Variants in SMO observed in about 807,000 individuals in gnomAD.
The protein encoded by SMO is smoothened, frizzled class receptor, also known as protein smoothened.
Under a neutral mutation model 81.6 loss-of-function variants are expected in SMO, and 40 were observed. The ratio of observed to expected loss-of-function variants is 0.49; its 90% confidence interval spans 0.38 to 0.64. The LOEUF is 0.64. Ranked by LOEUF, SMO falls within the 30% of genes least tolerant of loss-of-function variation. The probability of loss-of-function intolerance (pLI) is 0.00; values close to 1 mark genes in which losing one functional copy is unlikely to be tolerated. For synonymous variants in SMO, 434 were observed against 432.1 expected (o/e 1.00, Z -0.05); for missense variants, 916 against 1,061.1 (o/e 0.86, Z 1.90).
At chr7:129,205,478 A>G (rs1793748915) in intron 3 of SMO, 66 bp downstream of exon 3, 2 of 1,555,086 alleles carry the variant, frequency 1.3e-6, no homozygotes, top group Admixed American at 3.4e-5. Context: ...GCCAGAGGGA[A>G]GGGGGGCAAA....
intron 1 of SMO, among the ~76,000 whole-genome samples, chr7:129,192,362 G>T (rs1275801065): frequency 6.6e-6 from 1 of 152,138 alleles, no homozygotes; most frequent in Non-Finnish European, 1.5e-5. Context: ...AAGACCTAAA[G>T]AATTAGAAAA....
At chr7:129,209,035 G>A (rs545538270) in intron 7 of SMO, 184 bp downstream of exon 7, 1 of 619,362 alleles carries the variant, frequency 1.6e-6, no homozygotes, top group Non-Finnish European at 2.9e-6. Context: ...CTACTCGGGG[G>A]GAAGAATTCA....
At chr7:129,201,671 GT>G (rs1329913801) in intron 1 of SMO, among the ~76,000 whole-genome samples, 1 of 151,798 alleles carries the variant, frequency 6.6e-6, no homozygotes, top group East Asian at 1.9e-4. Flanking sequence ...CTGTTTTTGG[GT>G]TTTTTGTTTT....
intron 1 of SMO, among the ~76,000 whole-genome samples, chr7:129,196,388 C>A (rs968267755): frequency 6.7e-6 from 1 of 149,894 alleles, no homozygotes; most frequent in Non-Finnish European, 1.5e-5. Context: ...CCCTATTGTC[C>A]CGGCTGGTCT....
chr7:129,210,054 C>T lies in SMO; in HGVS notation c.1467-309C>T. The T allele has an allele frequency of 4.0e-6, 1 of 253,140 alleles. No individual in the cohort carries two copies. Among genetic ancestry groups the T allele is most frequent in the African/African-American group, 2.2e-5 (1 of 45,950 alleles). 15.7% of individuals were successfully genotyped at this position (253,140 alleles called of 1,614,324 possible). A position where few individuals can be genotyped will look rare whatever the true frequency, so the allele number is the denominator to read the frequency against. ...TAGGGTGGGTCCCAGGCATCAGTAGCTATTAAAAGCTCCCCAGTTGATTCT... is the reference window on the plus strand; with the variant it reads ...TAGGGTGGGTCCCAGGCATCAGTAGTTATTAAAAGCTCCCCAGTTGATTCT... On this transcript the variant is annotated intron_variant, in intron 8 of 11. Transcript: ENST00000249373. This position sits in a 1 kb window ranked among gnomAD's most constrained non-coding sequence, Gnocchi z 4.7.
At chr7:129,203,947 G>A (rs1273493686) in intron 2 of SMO, among the ~76,000 whole-genome samples, 1 of 151,966 alleles carries the variant, frequency 6.6e-6, no homozygotes, top group Non-Finnish European at 1.5e-5. Context: ...CAAGACAGGG[G>A]ACGTGAGCTA....
chr7:129,204,668 A>G (rs1383599984), intron 2 of SMO, among the ~76,000 whole-genome samples: 1 of 151,338 alleles, frequency 6.6e-6, no homozygotes, highest in Non-Finnish European at 1.5e-5. Context: ...TATATAATAT[A>G]TGTTTATTCA....
In SMO at chr7:129,205,769, C is replaced by T. The variant is rs748021309; in HGVS notation, c.907C>T (p.Leu303Phe). The T allele has an allele frequency of 2.5e-6, 4 of 1,606,278 alleles. No individual in the cohort carries two copies. The highest frequency in any genetic ancestry group is 4.5e-5 in the East Asian group (2 of 44,842). The part of the protein sequence containing the change: ...IVCRADGTMR[L>F]GEPTSNETLS... ...CTGCCGTGCAGATGGCACCATGAGG[C>T]TTGGGGAGCCCACGTAGGTGTCTTG... Residue 303 changes from leucine (L) to phenylalanine (F), a missense_variant, in exon 4 of 12, where the codon CTT (leucine) becomes TTT (phenylalanine). Leu to Phe is a conservative substitution (Grantham distance 22, BLOSUM62 0). This residue lies in a region of SMO where 436 missense variants were observed against 570.9 expected (regional missense o/e 0.76). Coordinates refer to ENST00000249373, the MANE Select transcript of SMO (RefSeq NM_005631.5).
At position 129,211,524 on chromosome 7, in the gene SMO, G is replaced by T; in HGVS notation, c.1802-112G>T. The T allele has an allele frequency of 8.3e-7, 1 of 1,204,324 alleles. No individual in the cohort carries two copies. The highest frequency in any genetic ancestry group is 1.2e-5 in the South Asian group (1 of 81,158). 74.6% of individuals were successfully genotyped at this position (1,204,324 alleles called of 1,614,324 possible). On this transcript the variant is annotated intron_variant, in intron 10 of 11. Coordinates refer to ENST00000249373, the MANE Select transcript of SMO (RefSeq NM_005631.5). The surrounding 1 kb of genome is among the most constrained non-coding windows in gnomAD (Gnocchi z 4.6). ...CGTGGTTACAGGGTGAGCTTTCTCT[G>T]GTGAGCAGGAGGGACTGGCTGTGGG...
intron 1 of SMO, among the ~76,000 whole-genome samples, chr7:129,197,923 A>C (rs1297724318): frequency 6.6e-6 from 1 of 152,168 alleles, no homozygotes; most frequent in African/African-American, 2.4e-5. Context: ...GCGCGGTAAC[A>C]CCCGTATTCC....
At chr7:129,195,750 T>A (rs940245838) in intron 1 of SMO, among the ~76,000 whole-genome samples, 4 of 152,146 alleles carry the variant, frequency 2.6e-5, no homozygotes, top group African/African-American at 9.7e-5. Context: ...TATTTCAAGA[T>A]ATCTGCAACA....
intron 1 of SMO, among the ~76,000 whole-genome samples, chr7:129,191,992 G>C (rs950624944): frequency 1.3e-5 from 2 of 152,162 alleles, no homozygotes; most frequent in Non-Finnish European, 2.9e-5. Flanking sequence ...GGCCGAGGCG[G>C]GAAGATTGCT....
At chr7:129,197,208 T>C (rs561292079) in intron 1 of SMO, among the ~76,000 whole-genome samples, 1 of 152,254 alleles carries the variant, frequency 6.6e-6, no homozygotes, top group African/African-American at 2.4e-5. Context: ...TATTTATCCT[T>C]ATTGCTTTAC....
At position 129,189,007 on chromosome 7, in the gene SMO, CGTCCGGGGGGGCCCGG is replaced by C; in HGVS notation, c.-143_-128del. On this transcript the variant is annotated 5_prime_UTR_variant, in exon 1 of 12. An upstream open reading frame in the 5' UTR loses its in-frame stop. Transcript: ENST00000249373. This position sits in a 1 kb window ranked among gnomAD's most constrained non-coding sequence, Gnocchi z 4.7. Reference sequence around the variant, plus strand: ...CGCCGAGGGGCCGGGGCGCGCGGAGCGTCCGGGGGGGCCCGGGCCCGGATTCTCTGGGCGCACAGGT... The same window carrying C: ...CGCCGAGGGGCCGGGGCGCGCGGAGCGCCCGGATTCTCTGGGCGCACAGGT... 1.6e-6 allele frequency: 1 copy of C among 629,120 alleles called. No individual in the cohort carries two copies. Among genetic ancestry groups the C allele is most frequent in the Non-Finnish European group, 2.2e-6 (1 of 446,108 alleles). The allele number at this position is 629,120 out of a possible 1,614,324, so 39.0% of individuals were successfully genotyped here. A position where few individuals can be genotyped will look rare whatever the true frequency, so the allele number is the denominator to read the frequency against.
chr7:129,199,182 CTT>C (rs71526090), intron 1 of SMO, among the ~76,000 whole-genome samples: 7 of 126,630 alleles, frequency 5.5e-5, no homozygotes, highest in Non-Finnish European at 6.5e-5. Flanking sequence ...ATTTTCTTTT[CTT>C]TTTTTTTTTT....
chr7:129,189,513 G>T lies in SMO; in HGVS notation c.331+31G>T. On this transcript the variant is annotated intron_variant, in intron 1 of 11. Transcript: ENST00000249373. This position sits in a 1 kb window ranked among gnomAD's most constrained non-coding sequence, Gnocchi z 4.7. ...TGCGGCGGAGCCGGGTCTGGGGGGC[G>T]GGAGGTGCCGCGGTAAGATGGGGGC... is the stretch of plus-strand genomic sequence containing the variant. The T allele has an allele frequency of 6.5e-7, 1 of 1,533,592 alleles. No homozygotes were observed. The highest frequency in any genetic ancestry group is 8.7e-7 in the Non-Finnish European group (1 of 1,146,046). 95.0% of individuals were successfully genotyped at this position (1,533,592 alleles called of 1,614,324 possible).
At position 129,212,254 on chromosome 7, in the gene SMO, G is replaced by GC; in HGVS notation, c.2167_2168insC (p.Asp723AlafsTer94). 1 of 1,605,762 alleles carries GC rather than the reference G, an allele frequency of 6.2e-7. No homozygotes were observed. The highest frequency in any genetic ancestry group is 8.5e-7 in the Non-Finnish European group (1 of 1,176,230). On this transcript the variant is annotated frameshift_variant, in exon 12 of 12. Transcript: ENST00000249373. LOFTEE classifies it high-confidence loss of function. The surrounding 1 kb of genome is among the most constrained non-coding windows in gnomAD (Gnocchi z 5.0). ...GGCTGCAGGTGCCTGGGGAGCTGGGGACTCTTGCCGACAGGGAGCGTGGAC... is the reference window on the plus strand; with the variant it reads ...GGCTGCAGGTGCCTGGGGAGCTGGGGCACTCTTGCCGACAGGGAGCGTGGAC...
Position 129,188,671 on chromosome 7 carries a change from CG to C in SMO, c.-478del, listed in dbSNP as rs1219036799. On this transcript the variant is annotated 5_prime_UTR_variant, in exon 1 of 12. Coordinates refer to ENST00000249373, the MANE Select transcript of SMO (RefSeq NM_005631.5). The surrounding 1 kb of genome is among the most constrained non-coding windows in gnomAD (Gnocchi z 4.9). ...CAGCGAGCTAGAGCAACAAAGGAGC[CG>C]GGTCGCCGGCGGGGAGAGTTCGGGG... Among the ~76,000 whole-genome samples the C allele has an allele frequency of 5.9e-5, 9 of 152,072 alleles. No individual in the cohort carries two copies. The highest frequency in any genetic ancestry group is 2.2e-4 in the African/African-American group (9 of 41,432).
In SMO at chr7:129,189,007, CG is replaced by C; in HGVS notation, c.-144del. On this transcript the variant is annotated 5_prime_UTR_variant, in exon 1 of 12. An upstream open reading frame in the 5' UTR loses its in-frame stop. Transcript: ENST00000249373. This position sits in a 1 kb window ranked among gnomAD's most constrained non-coding sequence, Gnocchi z 4.7. ...CGCCGAGGGGCCGGGGCGCGCGGAGCGTCCGGGGGGGCCCGGGCCCGGATTC... is the reference window on the plus strand; with the variant it reads ...CGCCGAGGGGCCGGGGCGCGCGGAGCTCCGGGGGGGCCCGGGCCCGGATTC... The C allele has an allele frequency of 1.6e-6, 1 of 629,120 alleles. No individual in the cohort carries two copies. The highest frequency in any genetic ancestry group is 2.2e-6 in the Non-Finnish European group (1 of 446,108). The allele number at this position is 629,120 out of a possible 1,614,324, so 39.0% of individuals were successfully genotyped here. A position where few individuals can be genotyped will look rare whatever the true frequency, so the allele number is the denominator to read the frequency against.
Sources: allele counts gnomAD v4.1 joint callset (sites outside exome capture counted in the v4.1 genomes callset), GRCh38; gene constraint gnomAD v4.1.1; regional missense constraint gnomAD v4.1.1; non-coding constraint Gnocchi (gnomAD v3.1); transcripts MANE v1.5; gene names NCBI Gene and HGNC (gene_info 2026-07-23, HGNC 2026-07-21).